Variants in CLDN10 observed in about 807,000 individuals in gnomAD.
CLDN10 encodes the protein claudin 10.
CLDN10 carries 15 observed loss-of-function variants against 22.9 expected under a neutral mutation model. That is an observed-to-expected ratio of 0.65 (90% CI 0.44 to 1.01). The LOEUF is 1.01. CLDN10 is among the 50% of genes least tolerant of loss of function. CLDN10 has a pLI of 0.00. For synonymous variants in CLDN10, 114 were observed against 111.4 expected (o/e 1.02, Z -0.15); for missense variants, 247 against 287.8 (o/e 0.86, Z 1.03).
At position 95,521,369 on chromosome 13, in the gene CLDN10, A is replaced by G. The variant is rs570825569; in HGVS notation, c.215-38763A>G. ...AGAGTTCCTCTCTATTCCTTTTTTG[A>G]TAAGATTTTTATAAATCATGAGTGG... On this transcript the variant is annotated intron_variant, in intron 1 of 4. Transcript: ENST00000376873. Among the ~76,000 whole-genome samples, 24 of 152,242 alleles carry G rather than the reference A, an allele frequency of 1.6e-4. No homozygotes were observed. In the South Asian group the frequency reaches 4.6e-3, roughly 29 times the overall value.
At chr13:95,516,886 T>C (rs1028177405) in intron 1 of CLDN10, among the ~76,000 whole-genome samples, 1 of 152,100 alleles carries the variant, frequency 6.6e-6, no homozygotes, top group African/African-American at 2.4e-5. Flanking sequence ...CATCCAGGCG[T>C]ATGAGATGAT....
At chr13:95,440,600 G>A (rs79160930) in intron 1 of CLDN10, among the ~76,000 whole-genome samples, 2 of 152,154 alleles carry the variant, frequency 1.3e-5, no homozygotes, top group African/African-American at 4.8e-5. Flanking sequence ...TGCTTCAACT[G>A]GGGAGATTGA....
intron 1 of CLDN10, among the ~76,000 whole-genome samples, chr13:95,495,167 C>A (rs1274000366): frequency 2.6e-5 from 4 of 151,764 alleles, no homozygotes; most frequent in Non-Finnish European, 5.9e-5. Context: ...TCCTGAGTAG[C>A]TGGGACCACA....
At chr13:95,568,332 C>G (rs1376756181) in intron 3 of CLDN10, among the ~76,000 whole-genome samples, 1 of 152,136 alleles carries the variant, frequency 6.6e-6, no homozygotes, top group East Asian at 1.9e-4. Context: ...TGCAGGCCAC[C>G]TCAGATCACC....
chr13:95,437,478 A>G (rs1410256086), intron 1 of CLDN10, among the ~76,000 whole-genome samples: 2 of 152,180 alleles, frequency 1.3e-5, no homozygotes, highest in Non-Finnish European at 2.9e-5. Context: ...TCGTAGGGAG[A>G]AAAGCAGTTC....
At chr13:95,470,758 T>C (rs1476434621) in intron 1 of CLDN10, among the ~76,000 whole-genome samples, 2 of 152,182 alleles carry the variant, frequency 1.3e-5, no homozygotes, top group Non-Finnish European at 2.9e-5. Context: ...TCCATTTCAA[T>C]CACACACTTG....
At chr13:95,538,153 C>CTTTTTT (rs1176533524) in intron 1 of CLDN10, among the ~76,000 whole-genome samples, 17 of 66,818 alleles carry the variant, frequency 2.5e-4, no homozygotes, top group Admixed American at 4.6e-4. Flanking sequence ...CTGTTTATTT[C>CTTTTTT]TTTTTTTTTT....
intron 1 of CLDN10, among the ~76,000 whole-genome samples, chr13:95,542,102 C>G (rs955847436): frequency 2.6e-5 from 4 of 152,130 alleles, no homozygotes; most frequent in Non-Finnish European, 5.9e-5. Context: ...AGCAAGAGAG[C>G]GAGGTGGGAA....
intron 1 of CLDN10, among the ~76,000 whole-genome samples, chr13:95,507,674 AGTGCAATG>A (rs2043052632): frequency 6.6e-6 from 1 of 151,334 alleles, no homozygotes; most frequent in African/African-American, 2.4e-5. Flanking sequence ...CCCAGCCTGG[AGTGCAATG>A]GTGCAATCTT....
intron 1 of CLDN10, among the ~76,000 whole-genome samples, chr13:95,538,153 C>CTTTTTTTTTTTTTT: frequency 1.5e-5 from 1 of 66,802 alleles, no homozygotes; most frequent in Non-Finnish European, 2.6e-5. Flanking sequence ...CTGTTTATTT[C>CTTTTTTTTTTTTTT]TTTTTTTTTT....
intron 1 of CLDN10, among the ~76,000 whole-genome samples, chr13:95,493,376 G>T (rs997510877): frequency 2.6e-5 from 4 of 151,786 alleles, no homozygotes; most frequent in Admixed American, 6.6e-5. Flanking sequence ...AAAGACATCC[G>T]CATTGTTATG....
intron 1 of CLDN10, among the ~76,000 whole-genome samples, chr13:95,453,421 G>A (rs1299589391): frequency 3.1e-4 from 47 of 152,148 alleles, no homozygotes; most frequent in Admixed American, 3.1e-3. Flanking sequence ...GGTGGCTCAA[G>A]CCTGTAATCC....
At position 95,498,558 on chromosome 13, in the gene CLDN10, C is replaced by T. The variant is rs544214358; in HGVS notation, c.215-61574C>T. 3.9e-5 allele frequency among the ~76,000 whole-genome samples: 6 copies of T among 152,174 alleles called. No individual in the cohort carries two copies. The South Asian group carries it at 1.2e-3, about 32-fold the overall frequency. On this transcript the variant is annotated intron_variant, in intron 1 of 4. Transcript: ENST00000376873. The stretch of plus-strand genomic sequence containing the variant: ...TACAGGCACAAGCCACCACGCCTGG[C>T]TGATTTTTGTATTTTTAGTAGAGAT...
At chr13:95,572,845 G>A (rs2043879843) in intron 3 of CLDN10, among the ~76,000 whole-genome samples, 1 of 152,178 alleles carries the variant, frequency 6.6e-6, no homozygotes, top group African/African-American at 2.4e-5. Flanking sequence ...AACCAGAGGA[G>A]GTTACACCAG....
chr13:95,537,180 A>G (rs574149820), intron 1 of CLDN10, among the ~76,000 whole-genome samples: 1 of 152,344 alleles, frequency 6.6e-6, no homozygotes, highest in African/African-American at 2.4e-5. Flanking sequence ...ACAATCTTCT[A>G]ATTTTAGGAT....
chr13:95,511,199 C>T (rs1346467445), intron 1 of CLDN10, among the ~76,000 whole-genome samples: 1 of 152,030 alleles, frequency 6.6e-6, no homozygotes, highest in Non-Finnish European at 1.5e-5. Flanking sequence ...AGTCAGTCAA[C>T]TGTAAGAACT....
intron 1 of CLDN10, among the ~76,000 whole-genome samples, chr13:95,471,416 T>TACACAC (rs1355860426): frequency 1.8e-4 from 21 of 115,306 alleles, no homozygotes; most frequent in African/African-American, 6.6e-4. Context: ...CACACACACA[T>TACACAC]ATACACACAC....
chr13:95,469,886 T>C (rs558639262), intron 1 of CLDN10, among the ~76,000 whole-genome samples: 4 of 152,362 alleles, frequency 2.6e-5, no homozygotes, highest in Admixed American at 2.6e-4. Context: ...ATAAATTGAA[T>C]ATGTATCTGG....
At chr13:95,543,805 T>G (rs1395556577) in intron 1 of CLDN10, among the ~76,000 whole-genome samples, 2 of 152,084 alleles carry the variant, frequency 1.3e-5, no homozygotes, top group Non-Finnish European at 2.9e-5. Flanking sequence ...TGTATAGTGA[T>G]AAACATTTAT....
Sources: gnomAD v4.1 joint callset for allele counts (sites outside exome capture counted in the v4.1 genomes callset) on GRCh38, gnomAD v4.1.1 for gene constraint, MANE v1.5 for transcripts, NCBI Gene and HGNC (gene_info 2026-07-23, HGNC 2026-07-21) for gene names.